CHCHD3: variants seen among roughly 807,000 people sequenced by gnomAD.
The protein encoded by CHCHD3 is MICOS complex subunit MIC19.
In CHCHD3, 20 loss-of-function variants were observed where a neutral mutation model predicts 38.2. That is an observed-to-expected ratio of 0.52 (90% confidence interval 0.37 to 0.76). The LOEUF is 0.76. CHCHD3 is among the 30% of genes least tolerant of loss of function. The pLI is 0.00. For synonymous variants in CHCHD3, 82 were observed against 100.0 expected, an observed-to-expected ratio of 0.82 and a Z score of 1.07; for missense variants, 245 against 279.2, an observed-to-expected ratio of 0.88 and a Z score of 0.87.
At chr7:133,047,227 G>C (rs1814018625) in intron 2 of CHCHD3, among the ~76,000 whole-genome samples, 1 of 151,998 alleles carries the variant, frequency 6.6e-6, no homozygotes, top group Admixed American at 6.5e-5. Context: ...TGTTTCAGAG[G>C]CAAGACAAAG....
chr7:132,845,662 T>C (rs576631298), intron 5 of CHCHD3, among the ~76,000 whole-genome samples: 1 of 152,324 alleles, frequency 6.6e-6, no homozygotes, highest in South Asian at 2.1e-4. Flanking sequence ...TTTTACTCTA[T>C]ATGTGAATCT....
chr7:132,821,787 G>A (rs1409482372), intron 6 of CHCHD3, among the ~76,000 whole-genome samples: 3 of 120,816 alleles, frequency 2.5e-5, no homozygotes, highest in African/African-American at 3.4e-5. Flanking sequence ...ACGGAGTCTC[G>A]CTCTGTCGTC....
At chr7:132,972,183 T>C (rs1304380870) in intron 4 of CHCHD3, among the ~76,000 whole-genome samples, 1 of 152,222 alleles carries the variant, frequency 6.6e-6, no homozygotes, top group Non-Finnish European at 1.5e-5. Flanking sequence ...AAGTGTTCTA[T>C]AATATTCTTG....
intron 2 of CHCHD3, among the ~76,000 whole-genome samples, chr7:133,067,263 A>G (rs543829076): frequency 1.5e-3 from 228 of 150,322 alleles, no homozygotes; most frequent in African/African-American, 5.5e-3. Context: ...TCCGTAACAC[A>G]GGAGGTAGGA....
At chr7:132,873,874 T>C (rs1255458146) in intron 5 of CHCHD3, among the ~76,000 whole-genome samples, 2 of 152,172 alleles carry the variant, frequency 1.3e-5, no homozygotes, top group African/African-American at 2.4e-5. Flanking sequence ...GGAGTAGTAA[T>C]TACACTGATG....
intron 4 of CHCHD3, among the ~76,000 whole-genome samples, chr7:132,896,553 C>G (rs752389540): frequency 6.6e-6 from 1 of 152,160 alleles, no homozygotes; most frequent in Non-Finnish European, 1.5e-5. Context: ...CCATTTAAAA[C>G]AAGAACACTC....
intron 4 of CHCHD3, among the ~76,000 whole-genome samples, chr7:132,900,645 T>G (rs923841604): frequency 1.3e-5 from 2 of 152,228 alleles, no homozygotes; most frequent in African/African-American, 4.8e-5. Flanking sequence ...ATGTTTACCT[T>G]ACATGCTGAT....
At chr7:132,796,762 G>A (rs1806628204) in intron 6 of CHCHD3, among the ~76,000 whole-genome samples, 185 bp from the exon 7 acceptor site, 1 of 152,042 alleles carries the variant, frequency 6.6e-6, no homozygotes, top group Non-Finnish European at 1.5e-5. Flanking sequence ...AATGACAAAG[G>A]GTAAATAAAT....
chr7:132,833,531 T>G (rs1397428486), intron 6 of CHCHD3, among the ~76,000 whole-genome samples: 1 of 152,224 alleles, frequency 6.6e-6, no homozygotes, highest in Non-Finnish European at 1.5e-5. Context: ...TTTAAAAAGT[T>G]TGTCTTCCTT....
chr7:133,080,653 G>C (rs1699231192), intron 1 of CHCHD3, among the ~76,000 whole-genome samples: 1 of 152,150 alleles, frequency 6.6e-6, no homozygotes, highest in African/African-American at 2.4e-5. Flanking sequence ...TACAGCCTCA[G>C]ATATTTTATT....
intron 4 of CHCHD3, among the ~76,000 whole-genome samples, chr7:132,903,309 T>G (rs1809715317): frequency 6.6e-6 from 1 of 151,918 alleles, no homozygotes; most frequent in Non-Finnish European, 1.5e-5. Context: ...ATTTTTTATT[T>G]GTATTCTTTT....
chr7:132,937,021 A>G (rs955202878), intron 4 of CHCHD3, among the ~76,000 whole-genome samples: 3 of 152,224 alleles, frequency 2.0e-5, no homozygotes, highest in African/African-American at 7.2e-5. Flanking sequence ...TAAACTATAA[A>G]GCCAAGACCT....
intron 6 of CHCHD3, 136 bp from the exon 7 acceptor site, chr7:132,796,713 C>T (rs1806627258): frequency 4.0e-6 from 3 of 750,606 alleles, no homozygotes. Flanking sequence ...AAGAATTTTC[C>T]TTAAACTTCA....
At chr7:132,989,711 ACT>A (rs1812219820) in intron 3 of CHCHD3, among the ~76,000 whole-genome samples, 1 of 152,034 alleles carries the variant, frequency 6.6e-6, no homozygotes. Context: ...TCCTGCACCC[ACT>A]CTCTCTCAGA....
chr7:132,807,053 C>T (rs1377725055), intron 6 of CHCHD3, among the ~76,000 whole-genome samples: 1 of 152,138 alleles, frequency 6.6e-6, no homozygotes, highest in Non-Finnish European at 1.5e-5. Context: ...TGGGAAACCT[C>T]ACCAGCTGGG....
At chr7:132,925,379 T>C (rs1810349643) in intron 4 of CHCHD3, among the ~76,000 whole-genome samples, 1 of 152,212 alleles carries the variant, frequency 6.6e-6, no homozygotes, top group African/African-American at 2.4e-5. Flanking sequence ...TGGTATTTAT[T>C]TCAAAATGAC....
At chr7:132,892,473 T>C (rs1445373521) in intron 4 of CHCHD3, among the ~76,000 whole-genome samples, 1 of 152,106 alleles carries the variant, frequency 6.6e-6, no homozygotes. Context: ...CCTGACCATG[T>C]GGTAGAAAAG....
At chr7:133,042,505 C>T (rs962534341) in intron 2 of CHCHD3, among the ~76,000 whole-genome samples, 4 of 152,198 alleles carry the variant, frequency 2.6e-5, no homozygotes, top group African/African-American at 9.6e-5. Context: ...TGCTAGGTTA[C>T]ACTCATCATT....
chr7:132,863,779 G>T (rs546537222), intron 5 of CHCHD3, among the ~76,000 whole-genome samples: 2 of 152,314 alleles, frequency 1.3e-5, no homozygotes, highest in Non-Finnish European at 2.9e-5. Flanking sequence ...GCTTTATCTT[G>T]CATTTTTATG....
Sources: gnomAD v4.1 joint callset for allele counts (sites outside exome capture counted in the v4.1 genomes callset) on GRCh38, gnomAD v4.1.1 for gene constraint, MANE v1.5 for transcripts, NCBI Gene and HGNC (gene_info 2026-07-23, HGNC 2026-07-21) for gene names.